Variants in RERE observed in about 807,000 individuals in gnomAD.
RERE encodes arginine-glutamic acid dipeptide repeats protein.
A neutral mutation model predicts 146.1 loss-of-function variants in RERE; 40 were observed. That is an observed-to-expected ratio of 0.27 (90% CI 0.21 to 0.36). RERE has a LOEUF of 0.36. Ranked by LOEUF, RERE falls within the 10% of genes least tolerant of loss-of-function variation. The pLI, the probability that RERE is intolerant of heterozygous loss-of-function variation, is 1.00. For synonymous variants in RERE, 1,003 were observed against 866.0 expected (o/e 1.16, Z -2.78); for missense variants, 1,933 against 2,138.7 (o/e 0.90, Z 1.90).
rs554233365 is a variant in RERE, at chr1:8,792,894, C to T, written c.-145+24266G>A. 1.7e-4 allele frequency among the ~76,000 whole-genome samples: 26 copies of T among 152,124 alleles called. 1 individual carries two copies. In the South Asian group the frequency reaches 5.2e-3, roughly 30 times the overall value. ...CAGGAAGGCCGGGTGCAGTGGCTCA[C>T]GCTTGTAATCCCAGCACTTTGGGAG... On this transcript the variant is annotated intron_variant, in intron 1 of 22. Coordinates refer to ENST00000400908, the MANE Select transcript of RERE (RefSeq NM_001042681.2).
chr1:8,415,687 T>C (rs1643740038), intron 12 of RERE, among the ~76,000 whole-genome samples: 1 of 152,216 alleles, frequency 6.6e-6, no homozygotes, highest in Admixed American at 6.5e-5. Flanking sequence ...CACAAGGGAA[T>C]ATCAGCCAGT....
At chr1:8,538,766 G>A (rs1450682625) in intron 7 of RERE, among the ~76,000 whole-genome samples, 1 of 152,200 alleles carries the variant, frequency 6.6e-6, no homozygotes, top group Non-Finnish European at 1.5e-5. Context: ...CACAAGTGTA[G>A]AAGAAAATCA....
intron 1 of RERE, among the ~76,000 whole-genome samples, chr1:8,703,470 G>A (rs992343698): frequency 2.0e-5 from 3 of 151,788 alleles, no homozygotes; most frequent in African/African-American, 7.3e-5. Flanking sequence ...ACCCGGGCTG[G>A]AGCCCAGCCC....
chr1:8,422,893 TAAC>T, intron 11 of RERE, 86 bp from the exon 12 acceptor site: 2 of 992,330 alleles, frequency 2.0e-6, no homozygotes, highest in East Asian at 2.4e-5. Flanking sequence ...ATCAGCAGAA[TAAC>T]AACCACAAAA....
At chr1:8,526,630 A>G (rs1645574329) in intron 7 of RERE, among the ~76,000 whole-genome samples, 2 of 152,214 alleles carry the variant, frequency 1.3e-5, no homozygotes. Context: ...TAGATAAGAA[A>G]CTAAAAATAA....
intron 1 of RERE, among the ~76,000 whole-genome samples, chr1:8,723,544 CTAG>C (rs2124476171): frequency 1.3e-5 from 2 of 152,120 alleles, no homozygotes; most frequent in East Asian, 3.9e-4. Context: ...TTTTCATGGC[CTAG>C]TAAGTTTGAG....
chr1:8,364,259 T>G lies in RERE; in HGVS notation c.1541-4A>C, dbSNP rs200027829. The G allele has an allele frequency of 6.8e-6, 11 of 1,613,760 alleles. No homozygotes were observed. In the African/African-American group the frequency reaches 1.5e-4, roughly 22 times the overall value. ...CCGTGGTGCCAATCTTTGGAGGCTG[T>G]GTGAGGGAAGTGGTGGGGGCCAACC... On this transcript the variant is annotated splice_region_variant and splice_polypyrimidine_tract_variant and intron_variant, in intron 14 of 22. Coordinates refer to ENST00000400908, the MANE Select transcript of RERE (RefSeq NM_001042681.2). This position sits in a 1 kb window ranked among gnomAD's most constrained non-coding sequence, Gnocchi z 5.1.
At chr1:8,706,544 G>C (rs1366974105) in intron 1 of RERE, among the ~76,000 whole-genome samples, 2 of 152,330 alleles carry the variant, frequency 1.3e-5, no homozygotes, top group South Asian at 4.1e-4. Flanking sequence ...ACTAAATCTT[G>C]TATACACACA....
intron 1 of RERE, among the ~76,000 whole-genome samples, chr1:8,699,018 G>GT (rs764017737): frequency 6.6e-5 from 10 of 152,232 alleles, no homozygotes; most frequent in Admixed American, 6.5e-4. Flanking sequence ...AATTATGTTT[G>GT]TAAGTTTCAC....
intron 12 of RERE, among the ~76,000 whole-genome samples, chr1:8,388,833 T>C (rs934248984): frequency 2.0e-5 from 3 of 152,232 alleles, no homozygotes; most frequent in Non-Finnish European, 4.4e-5. Context: ...GCTTCCTTGC[T>C]CATTAGACAG....
chr1:8,612,683 G>C (rs1646806287), intron 4 of RERE, among the ~76,000 whole-genome samples: 1 of 152,050 alleles, frequency 6.6e-6, no homozygotes, highest in Non-Finnish European at 1.5e-5. Flanking sequence ...ATTAATAATA[G>C]CATCCACATT....
chr1:8,595,954 A>G (rs2124118614), intron 4 of RERE, among the ~76,000 whole-genome samples: 1 of 152,352 alleles, frequency 6.6e-6, no homozygotes, highest in Non-Finnish European at 1.5e-5. Flanking sequence ...ACTAATCCCC[A>G]AAAGTTTATA....
intron 1 of RERE, among the ~76,000 whole-genome samples, chr1:8,759,359 A>T (rs1329168449): frequency 6.6e-6 from 1 of 152,202 alleles, no homozygotes; most frequent in Non-Finnish European, 1.5e-5. Flanking sequence ...GGCAAGGATG[A>T]AGAATTAGAA....
chr1:8,452,551 C>CA, intron 11 of RERE, among the ~76,000 whole-genome samples: 1 of 151,960 alleles, frequency 6.6e-6, no homozygotes, highest in Middle Eastern at 3.4e-3. Flanking sequence ...GTCTTGTTTC[C>CA]AAAAAACTAA....
At chr1:8,527,993 A>G (rs1235087280) in intron 7 of RERE, among the ~76,000 whole-genome samples, 1 of 152,200 alleles carries the variant, frequency 6.6e-6, no homozygotes, top group Non-Finnish European at 1.5e-5. Context: ...CTCTCTTATT[A>G]GATTCTAAGT....
At chr1:8,620,927 A>G (rs1291601553) in intron 3 of RERE, among the ~76,000 whole-genome samples, 2 of 151,972 alleles carry the variant, frequency 1.3e-5, no homozygotes, top group African/African-American at 2.4e-5. Flanking sequence ...AATAGAATAC[A>G]TAATTCCTAC....
chr1:8,411,650 G>A (rs1036305668), intron 12 of RERE, among the ~76,000 whole-genome samples: 4 of 152,070 alleles, frequency 2.6e-5, no homozygotes, highest in African/African-American at 9.7e-5. Flanking sequence ...GAAACAAATG[G>A]CCAGCTGAGT....
At position 8,708,905 on chromosome 1, in the gene RERE, G is replaced by GTTTTT. The variant is rs35403792; in HGVS notation, c.-144-52469_-144-52465dup. ...GTCACTAGACAACAAAAACTCTGGA[G>GTTTTT]TTTTTTTTTTTTTTTTTTTTTTTTT... On this transcript the variant is annotated intron_variant, in intron 1 of 22. Coordinates refer to ENST00000400908, the MANE Select transcript of RERE (RefSeq NM_001042681.2). 3.6e-3 allele frequency among the ~76,000 whole-genome samples: 257 copies of GTTTTT among 72,332 alleles called. 31 individuals are homozygous for GTTTTT. Among genetic ancestry groups the GTTTTT allele is most frequent in the African/African-American group, 0.013 (210 of 16,602 alleles). 47.5% of individuals were successfully genotyped at this position (72,332 alleles called of 152,430 possible).
chr1:8,600,418 C>T lies in RERE; in HGVS notation c.522+14143G>A, dbSNP rs572797720. 3.9e-5 allele frequency among the ~76,000 whole-genome samples: 6 copies of T among 152,238 alleles called. No homozygotes were observed. The East Asian group carries it at 1.2e-3, about 29-fold the overall frequency. On this transcript the variant is annotated intron_variant, in intron 4 of 22. Transcript: ENST00000400908. ...ATTCATCAGATATCTTTGTGCATTT[C>T]CAACTTGTTTGTTAAGAAATCTGCT... is the stretch of plus-strand genomic sequence containing the variant.
Sources: allele counts gnomAD v4.1 joint callset (sites outside exome capture counted in the v4.1 genomes callset), GRCh38; gene constraint gnomAD v4.1.1; non-coding constraint Gnocchi (gnomAD v3.1); transcripts MANE v1.5; gene names NCBI Gene and HGNC (gene_info 2026-07-23, HGNC 2026-07-21).